MYO1B: variants seen among roughly 807,000 people sequenced by gnomAD.
MYO1B encodes myosin IB, also known as unconventional myosin-Ib.
A neutral mutation model predicts 159.7 loss-of-function variants in MYO1B; 72 were observed. The ratio of observed to expected loss-of-function variants is 0.45; its 90% confidence interval spans 0.37 to 0.55. The LOEUF is 0.55. MYO1B is among the 20% of genes least tolerant of loss of function. The probability of loss-of-function intolerance (pLI) is 0.00; values close to 1 mark genes in which losing one functional copy is unlikely to be tolerated. For missense variants in MYO1B, 1,062 were observed against 1,364.8 expected (o/e 0.78, Z 3.50); for synonymous variants, 468 against 473.8 (o/e 0.99, Z 0.16).
chr2:191,369,647 C>T lies in MYO1B; in HGVS notation c.1119+19C>T, dbSNP rs994639201. 18 of 1,566,682 alleles carry T rather than the reference C, an allele frequency of 1.1e-5. No individual in the cohort carries two copies. Among genetic ancestry groups the T allele is most frequent in the Non-Finnish European group, 1.6e-5 (18 of 1,138,004 alleles). The stretch of plus-strand genomic sequence containing the variant: ...CATTAAGGTACTGAATTTCTATGAG[C>T]AAAATCAGTTGTAATAAATGGTATT... On this transcript the variant is annotated intron_variant, in intron 12 of 30. Transcript: ENST00000392318.
At chr2:191,286,449 T>C (rs1194255133) in intron 2 of MYO1B, among the ~76,000 whole-genome samples, 1 of 152,160 alleles carries the variant, frequency 6.6e-6, no homozygotes, top group Non-Finnish European at 1.5e-5. Context: ...TGTGATCAAA[T>C]TCCCAGGGTC....
At chr2:191,387,696 G>T in intron 17 of MYO1B, 1 of 543,016 alleles carries the variant, frequency 1.8e-6, no homozygotes, top group Non-Finnish European at 3.3e-6. Flanking sequence ...CTCAGTGGTT[G>T]AGACCTAGGG....
At chr2:191,377,297 T>C (rs1694772040) in intron 13 of MYO1B, among the ~76,000 whole-genome samples, 1 of 152,168 alleles carries the variant, frequency 6.6e-6, no homozygotes, top group South Asian at 2.1e-4. Flanking sequence ...TTTGAAGATG[T>C]TTCTAAGTTT....
intron 1 of MYO1B, among the ~76,000 whole-genome samples, chr2:191,251,613 G>A (rs778406612): frequency 7.2e-5 from 11 of 152,070 alleles, no homozygotes; most frequent in Non-Finnish European, 1.5e-4. Context: ...GCTTAAGTTC[G>A]CTGTGTTAAA....
At chr2:191,270,191 A>G (rs924016952) in intron 1 of MYO1B, among the ~76,000 whole-genome samples, 2 of 152,208 alleles carry the variant, frequency 1.3e-5, no homozygotes, top group African/African-American at 4.8e-5. Flanking sequence ...AAAATTTACA[A>G]AACAAGGAAA....
chr2:191,286,896 A>C (rs1401119895), intron 2 of MYO1B, among the ~76,000 whole-genome samples: 1 of 152,146 alleles, frequency 6.6e-6, no homozygotes, highest in Admixed American at 6.5e-5. Flanking sequence ...GCACCACTGC[A>C]CTCCAACCTG....
At chr2:191,254,745 G>T (rs1686336329) in intron 1 of MYO1B, among the ~76,000 whole-genome samples, 1 of 151,946 alleles carries the variant, frequency 6.6e-6, no homozygotes, top group African/African-American at 2.4e-5. Flanking sequence ...TCCTGCCTTG[G>T]TTTCCCAAGT....
intron 3 of MYO1B, among the ~76,000 whole-genome samples, chr2:191,299,579 C>G (rs894921271): frequency 6.6e-6 from 1 of 152,214 alleles, no homozygotes; most frequent in African/African-American, 2.4e-5. Context: ...CTCACTTGTT[C>G]CGTACTAAGG....
intron 13 of MYO1B, among the ~76,000 whole-genome samples, chr2:191,374,338 A>ATTTG (rs1287067636): frequency 1.3e-5 from 2 of 152,120 alleles, no homozygotes; most frequent in African/African-American, 4.8e-5. Context: ...GTATTTTTTT[A>ATTTG]TTTGTTCTGT....
chr2:191,257,488 C>G (rs1430944652), intron 1 of MYO1B, among the ~76,000 whole-genome samples: 1 of 152,166 alleles, frequency 6.6e-6, no homozygotes, highest in Non-Finnish European at 1.5e-5. Flanking sequence ...TACAAAGAAA[C>G]CATGCCAAAT....
At chr2:191,403,863 A>G (rs1696754657) in intron 24 of MYO1B, among the ~76,000 whole-genome samples, 1 of 152,138 alleles carries the variant, frequency 6.6e-6, no homozygotes, top group Non-Finnish European at 1.5e-5. Flanking sequence ...TTTAACTCAC[A>G]TCTTTAGTTT....
rs183709944 is a variant in MYO1B, at chr2:191,389,515, A to G, written c.1782-777A>G. 1.7e-3 allele frequency among the ~76,000 whole-genome samples: 262 copies of G among 152,316 alleles called. 4 individuals are homozygous for G. The highest frequency in any genetic ancestry group is 0.015 in the Admixed American group (236 of 15,300). ...GGCTGTCCACCGTGTCAACATTTGC[A>G]GCCAGCAGTAAGCTGGAGGAGACGA... On this transcript the variant is annotated intron_variant, in intron 17 of 30. Transcript: ENST00000392318.
intron 7 of MYO1B, among the ~76,000 whole-genome samples, chr2:191,357,243 C>T (rs962773069): frequency 6.6e-6 from 1 of 152,134 alleles, no homozygotes; most frequent in Non-Finnish European, 1.5e-5. Context: ...TTCTTTCACA[C>T]CTTGTGCCTT....
rs768820094 is a variant in MYO1B, at chr2:191,341,572, T to A, written c.451+7T>A. Reference sequence around the variant, plus strand: ...TCCAACCCGGTCCTGGAAGGTAGGATGTGTTATGTTCATTAAGTCGGTGTG... The same window carrying A: ...TCCAACCCGGTCCTGGAAGGTAGGAAGTGTTATGTTCATTAAGTCGGTGTG... On this transcript the variant is annotated splice_region_variant and intron_variant, in intron 5 of 30. Transcript: ENST00000392318. 6.2e-7 allele frequency: 1 copy of A among 1,608,210 alleles called. No individual in the cohort carries two copies. Among genetic ancestry groups the A allele is most frequent in the Non-Finnish European group, 8.5e-7 (1 of 1,175,144 alleles).
intron 12 of MYO1B, 39 bp downstream of exon 12, chr2:191,369,667 G>A: frequency 6.9e-7 from 1 of 1,442,564 alleles, no homozygotes; most frequent in East Asian, 2.3e-5. Flanking sequence ...TGTAATAAAT[G>A]GTATTCACAG....
At chr2:191,412,230 G>T (rs1195535367) in intron 27 of MYO1B, among the ~76,000 whole-genome samples, 1 of 152,128 alleles carries the variant, frequency 6.6e-6, no homozygotes, top group Non-Finnish European at 1.5e-5. Context: ...AGGAGAATTT[G>T]TCTGTATGCT....
At chr2:191,419,739 T>G (rs1019445982) in intron 30 of MYO1B, among the ~76,000 whole-genome samples, 1 of 152,102 alleles carries the variant, frequency 6.6e-6, no homozygotes, top group Non-Finnish European at 1.5e-5. Flanking sequence ...TGTGTAGGCC[T>G]AGGCTAATAT....
At chr2:191,416,754 C>G (rs1182545149) in intron 30 of MYO1B, among the ~76,000 whole-genome samples, 1 of 151,716 alleles carries the variant, frequency 6.6e-6, no homozygotes, top group Non-Finnish European at 1.5e-5. Context: ...GCGGAGATTG[C>G]AATGAGCCGA....
At chr2:191,420,250 A>G (rs1027200282) in intron 30 of MYO1B, among the ~76,000 whole-genome samples, 1 of 152,222 alleles carries the variant, frequency 6.6e-6, no homozygotes. Context: ...TGTAAAGTTT[A>G]TAAAGCAAAA....
Sources: allele counts gnomAD v4.1 joint callset (sites outside exome capture counted in the v4.1 genomes callset), GRCh38; gene constraint gnomAD v4.1.1; transcripts MANE v1.5; gene names NCBI Gene and HGNC (gene_info 2026-07-23, HGNC 2026-07-21).